ATXN2: variants seen among roughly 807,000 people sequenced by gnomAD.
The protein encoded by ATXN2 is ataxin-2.
A neutral mutation model predicts 138.6 loss-of-function variants in ATXN2; 37 were observed. The ratio of observed to expected loss-of-function variants is 0.27; its 90% confidence interval spans 0.21 to 0.35. The LOEUF (loss-of-function observed/expected upper bound fraction) is 0.35, where lower values mean the gene tolerates loss of function less well. ATXN2 is among the 10% of genes least tolerant of loss of function. ATXN2 has a pLI of 1.00. For missense variants in ATXN2, 1,216 were observed against 1,480.3 expected (o/e 0.82, Z 2.93); for synonymous variants, 549 against 543.7 (o/e 1.01, Z -0.13).
chr12:111,476,099 G>A (rs1302981971), intron 18 of ATXN2, among the ~76,000 whole-genome samples: 2 of 152,074 alleles, frequency 1.3e-5, no homozygotes, highest in Non-Finnish European at 2.9e-5. Flanking sequence ...CTACAGGTGT[G>A]TGCCACCACA....
At chr12:111,562,052 C>T (rs1882719989) in intron 1 of ATXN2, among the ~76,000 whole-genome samples, 2 of 151,816 alleles carry the variant, frequency 1.3e-5, no homozygotes, top group Non-Finnish European at 2.9e-5. Context: ...ACCTCTTGAT[C>T]CACCCACCTC....
intron 1 of ATXN2, among the ~76,000 whole-genome samples, chr12:111,580,586 G>GA (rs1883938622): frequency 6.8e-6 from 1 of 147,926 alleles, no homozygotes; most frequent in South Asian, 2.2e-4. Flanking sequence ...AGAATCATCT[G>GA]GGCTCAGGAG....
intron 1 of ATXN2, among the ~76,000 whole-genome samples, chr12:111,559,068 T>C (rs1019415746): frequency 3.9e-4 from 59 of 151,590 alleles, no homozygotes; most frequent in African/African-American, 1.4e-3. Flanking sequence ...TATTAACTGA[T>C]ACCATGAGGT....
At chr12:111,523,237 G>GA (rs919998280) in intron 6 of ATXN2, among the ~76,000 whole-genome samples, 18 of 145,666 alleles carry the variant, frequency 1.2e-4, no homozygotes, top group East Asian at 2.0e-4. Context: ...CTCAAAAAAA[G>GA]AAAAAAAAAA....
chr12:111,592,490 G>T (rs893922421), intron 1 of ATXN2, among the ~76,000 whole-genome samples: 4 of 151,260 alleles, frequency 2.6e-5, no homozygotes, highest in Non-Finnish European at 4.4e-5. Context: ...CATTTAAAAA[G>T]ATACGGCAGC....
intron 9 of ATXN2, among the ~76,000 whole-genome samples, chr12:111,517,173 T>C (rs1368028896): frequency 6.6e-6 from 1 of 152,116 alleles, no homozygotes; most frequent in Non-Finnish European, 1.5e-5. Context: ...TATTTAACAT[T>C]ACATATCACT....
rs1281648662 is a variant in ATXN2 at position 111,598,042 on chromosome 12, C to A, written c.251+742G>T. On this transcript the variant is annotated intron_variant, in intron 1 of 24. Transcript: ENST00000673436. The surrounding 1 kb of genome is among the most constrained non-coding windows in gnomAD (Gnocchi z 4.5). ...GGGACGGGGCCGGGCACTCCCCACCCCTTCCCTTCCCCAGGTGGGGGAGGG... is the reference window on the plus strand; with the variant it reads ...GGGACGGGGCCGGGCACTCCCCACCACTTCCCTTCCCCAGGTGGGGGAGGG... 7 of 1,169,410 alleles carry A rather than the reference C, an allele frequency of 6.0e-6. No individual in the cohort carries two copies. The highest frequency in any genetic ancestry group is 7.5e-6 in the Non-Finnish European group (7 of 929,786). 72.4% of individuals were successfully genotyped at this position (1,169,410 alleles called of 1,614,324 possible).
chr12:111,566,244 C>G (rs1414482175), intron 1 of ATXN2, among the ~76,000 whole-genome samples: 1 of 151,866 alleles, frequency 6.6e-6, no homozygotes, highest in African/African-American at 2.4e-5. Flanking sequence ...ACCAGCCTGA[C>G]CAACATGGAG....
chr12:111,518,199 T>C lies in ATXN2; in HGVS notation c.1165+50A>G, dbSNP rs1463753679. On this transcript the variant is annotated intron_variant, in intron 9 of 24. Transcript: ENST00000673436. ...AACTATTTTAAGTATTTTAAGTATT[T>C]AGAAAACTATTTTATCAATGATATT... 4 of 1,448,002 alleles carry C rather than the reference T, an allele frequency of 2.8e-6. No homozygotes were observed. The East Asian group carries it at 9.3e-5, about 34-fold the overall frequency. The allele number at this position is 1,448,002 out of a possible 1,614,324, so 89.7% of individuals were successfully genotyped here.
In ATXN2 at chr12:111,516,921, A is replaced by G. The variant is rs1879890354; in HGVS notation, c.1166-558T>C. 6.6e-6 allele frequency among the ~76,000 whole-genome samples: 1 copy of G among 152,198 alleles called. No homozygotes were observed. The highest frequency in any genetic ancestry group is 1.5e-5 in the Non-Finnish European group (1 of 68,018). Reference sequence around the variant, plus strand: ...AATCTTATTAAGCAAGTCCCATTTAAGTAGAAATAAAACATTACTCTTCTA... The same window carrying G: ...AATCTTATTAAGCAAGTCCCATTTAGGTAGAAATAAAACATTACTCTTCTA... On this transcript the variant is annotated intron_variant, in intron 9 of 24. Coordinates refer to ENST00000673436, the MANE Select transcript of ATXN2 (RefSeq NM_001372574.1). The surrounding 1 kb of genome is among the most constrained non-coding windows in gnomAD (Gnocchi z 5.0).
intron 5 of ATXN2, among the ~76,000 whole-genome samples, chr12:111,534,849 TAA>T (rs1341642887): frequency 2.6e-5 from 4 of 151,942 alleles, no homozygotes; most frequent in African/African-American, 9.7e-5. Flanking sequence ...AAGAAAATGT[TAA>T]AGTCTGGGCA....
At chr12:111,576,335 T>C (rs1386099589) in intron 1 of ATXN2, among the ~76,000 whole-genome samples, 1 of 151,948 alleles carries the variant, frequency 6.6e-6, no homozygotes, top group African/African-American at 2.4e-5. Flanking sequence ...TCTCAGGTAC[T>C]TGGGAGGCTG....
chr12:111,453,516 GAT>G lies in ATXN2; in HGVS notation c.3439+159_3439+160del. 7.4e-7 allele frequency: 1 copy of G among 1,352,284 alleles called. No individual in the cohort carries two copies. The highest frequency in any genetic ancestry group is 9.5e-7 in the Non-Finnish European group (1 of 1,055,034). 83.8% of individuals were successfully genotyped at this position (1,352,284 alleles called of 1,614,324 possible). A position where few individuals can be genotyped will look rare whatever the true frequency, so the allele number is the denominator to read the frequency against. On this transcript the variant is annotated intron_variant, in intron 24 of 24. Coordinates refer to ENST00000673436, the MANE Select transcript of ATXN2 (RefSeq NM_001372574.1). The surrounding 1 kb of genome is among the most constrained non-coding windows in gnomAD (Gnocchi z 5.4). ...TCGGCTCCCGGAAGCCTCAGGCCCT[GAT>G]GCTGAACTGATCGTCACAGTCCCTC...
chr12:111,593,002 A>G (rs1163795816), intron 1 of ATXN2, among the ~76,000 whole-genome samples: 2 of 151,968 alleles, frequency 1.3e-5, no homozygotes, highest in East Asian at 1.9e-4. Context: ...GTTTCAAAGT[A>G]AAAAAACAAT....
At chr12:111,587,788 T>C (rs746836925) in intron 1 of ATXN2, among the ~76,000 whole-genome samples, 3 of 152,308 alleles carry the variant, frequency 2.0e-5, no homozygotes, top group South Asian at 2.1e-4. Flanking sequence ...CGTTCACTTA[T>C]ATTGCCGACA....
chr12:111,486,467 C>A (rs1251355706), intron 16 of ATXN2, among the ~76,000 whole-genome samples: 1 of 152,146 alleles, frequency 6.6e-6, no homozygotes, highest in African/African-American at 2.4e-5. Context: ...TGATGCAAAA[C>A]CCTCAGGTGC....
chr12:111,482,375 T>C (rs1877306339), intron 18 of ATXN2, among the ~76,000 whole-genome samples: 1 of 151,884 alleles, frequency 6.6e-6, no homozygotes, highest in Non-Finnish European at 1.5e-5. Flanking sequence ...TTTGTATTTT[T>C]AGTAGAGACA....
At chr12:111,586,013 C>T (rs189725031) in intron 1 of ATXN2, among the ~76,000 whole-genome samples, 68 of 152,080 alleles carry the variant, frequency 4.5e-4, no homozygotes, top group Non-Finnish European at 8.5e-4. Flanking sequence ...CCACCTGCCT[C>T]AGCCTCCCAA....
At chr12:111,587,073 C>CAA (rs374631048) in intron 1 of ATXN2, among the ~76,000 whole-genome samples, 1,132 of 112,670 alleles carry the variant, frequency 0.01, 20 homozygotes, top group African/African-American at 0.015. Flanking sequence ...CCATTTCTAC[C>CAA]AAAAAAAAAA....
Sources: allele counts gnomAD v4.1 joint callset (sites outside exome capture counted in the v4.1 genomes callset), GRCh38; gene constraint gnomAD v4.1.1; non-coding constraint Gnocchi (gnomAD v3.1); transcripts MANE v1.5; gene names NCBI Gene and HGNC (gene_info 2026-07-23, HGNC 2026-07-21).